Variants in NEGR1 observed in about 807,000 individuals in gnomAD.
NEGR1 encodes the protein IgLON family member 4.
In NEGR1, 10 loss-of-function variants were observed where a neutral mutation model predicts 40.9. The observed-to-expected ratio is 0.24, with a 90% CI of 0.15 to 0.42. The LOEUF (loss-of-function observed/expected upper bound fraction) is 0.42, where lower values mean the gene tolerates loss of function less well. Ranked by LOEUF, NEGR1 falls within the 10% of genes least tolerant of loss-of-function variation. NEGR1 has a pLI of 1.00. For synonymous variants in NEGR1, 185 were observed against 166.8 expected (o/e 1.11, Z -0.84); for missense variants, 352 against 438.9 (o/e 0.80, Z 1.77).
intron 3 of NEGR1, among the ~76,000 whole-genome samples, chr1:71,747,339 G>T (rs1254263630): frequency 6.6e-6 from 1 of 151,840 alleles, no homozygotes; most frequent in Non-Finnish European, 1.5e-5. Context: ...TACAGCACAG[G>T]ATCAATATTA....
chr1:71,834,874 A>G (rs2101795351), intron 2 of NEGR1, among the ~76,000 whole-genome samples: 1 of 78,428 alleles, frequency 1.3e-5, no homozygotes, highest in Admixed American at 1.1e-4. Context: ...CGTCGTTTTA[A>G]GATTTTAGGA....
intron 5 of NEGR1, 62 bp from the exon 6 acceptor site, chr1:71,593,030 C>A: frequency 7.8e-7 from 1 of 1,289,828 alleles, no homozygotes. Flanking sequence ...ATTTTTTTAT[C>A]TTAGCTGGGG....
chr1:71,448,658 A>G (rs1646601488), intron 6 of NEGR1, among the ~76,000 whole-genome samples: 1 of 152,162 alleles, frequency 6.6e-6, no homozygotes, highest in African/African-American at 2.4e-5. Context: ...TTTTAGAGGC[A>G]GAAAGCTCTG....
rs1248852117 is a variant in NEGR1 at position 71,698,061 on chromosome 1, G to A, written c.614C>T (p.Ala205Val). 5.6e-6 allele frequency: 9 copies of A among 1,610,808 alleles called. No individual in the cohort carries two copies. Among genetic ancestry groups the A allele is most frequent in the Admixed American group, 3.3e-5 (2 of 59,716 alleles). ...ATCTGGGAATGACACATCATTTTCC[G>A]CACTGCATTCATATTCCCCAGCCTG... ...RDQAGEYECS[A>V]ENDVSFPDVR... Residue 205 changes from alanine (A) to valine (V), a missense_variant, in exon 4 of 7, where the codon GCG (alanine) becomes GTG (valine). Coordinates refer to ENST00000357731, the MANE Select transcript of NEGR1 (RefSeq NM_173808.3).
chr1:71,563,424 T>C (rs1279687275), intron 6 of NEGR1, among the ~76,000 whole-genome samples: 2 of 151,984 alleles, frequency 1.3e-5, no homozygotes, highest in Non-Finnish European at 2.9e-5. Flanking sequence ...TTTTGCAGAA[T>C]AATGTCATAA....
chr1:71,849,406 T>C (rs141418194), intron 2 of NEGR1, among the ~76,000 whole-genome samples: 13 of 152,302 alleles, frequency 8.5e-5, no homozygotes, highest in Non-Finnish European at 1.6e-4. Context: ...ATTGAATTGC[T>C]GTAATCTCAT....
chr1:72,132,970 A>G (rs1269618493), intron 1 of NEGR1, among the ~76,000 whole-genome samples: 1 of 152,164 alleles, frequency 6.6e-6, no homozygotes, highest in Non-Finnish European at 1.5e-5. Flanking sequence ...TAGGCTAGCT[A>G]ATTTCTCTTT....
In NEGR1 at chr1:71,402,233, G is replaced by C. The variant is rs1169277549; in HGVS notation, c.*5213C>G. On this transcript the variant is annotated 3_prime_UTR_variant, in exon 7 of 7. Coordinates refer to ENST00000357731, the MANE Select transcript of NEGR1 (RefSeq NM_173808.3). ...TTTTCACCATCAATACATGACAATA[G>C]TAATATTTTCTCCTTTAAGTATTTG... The C allele has an allele frequency of 2.0e-5, 3 of 152,112 alleles. No homozygotes were observed. The highest frequency in any genetic ancestry group is 4.4e-5 in the Non-Finnish European group (3 of 68,014). 9.4% of individuals were successfully genotyped at this position (152,112 alleles called of 1,614,324 possible). A position where few individuals can be genotyped will look rare whatever the true frequency, so the allele number is the denominator to read the frequency against.
chr1:71,549,494 C>A (rs1428362434), intron 6 of NEGR1, among the ~76,000 whole-genome samples: 1 of 151,680 alleles, frequency 6.6e-6, no homozygotes, highest in Non-Finnish European at 1.5e-5. Context: ...CCAAGTGCCT[C>A]TGGAAGGAGA....
intron 4 of NEGR1, among the ~76,000 whole-genome samples, chr1:71,651,905 G>A (rs1223810229): frequency 6.6e-6 from 1 of 152,062 alleles, no homozygotes; most frequent in Non-Finnish European, 1.5e-5. Context: ...TGAAATTTAT[G>A]TTACCCAACA....
At chr1:71,938,193 G>A (rs72680810) in intron 1 of NEGR1, among the ~76,000 whole-genome samples, 16,804 of 151,896 alleles carry the variant, frequency 0.11, 1,038 homozygotes, top group Middle Eastern at 0.21. Flanking sequence ...ATTCTCAAAT[G>A]TTCTACATTA....
intron 1 of NEGR1, among the ~76,000 whole-genome samples, chr1:72,137,952 T>C (rs1052905771): frequency 1.3e-5 from 2 of 152,078 alleles, no homozygotes; most frequent in African/African-American, 4.8e-5. Flanking sequence ...TCTATAACCA[T>C]TTAAAATATA....
At chr1:72,198,187 A>G (rs1454348342) in intron 1 of NEGR1, among the ~76,000 whole-genome samples, 1 of 152,000 alleles carries the variant, frequency 6.6e-6, no homozygotes, top group African/African-American at 2.4e-5. Context: ...AGCCTCCTTG[A>G]TAGCTAGGAG....
chr1:72,260,090 G>A (rs1223006867), intron 1 of NEGR1, among the ~76,000 whole-genome samples: 1 of 152,040 alleles, frequency 6.6e-6, no homozygotes, highest in Non-Finnish European at 1.5e-5. Flanking sequence ...GCTCCTTAGA[G>A]TAACCCTAAG....
At chr1:71,675,392 AAGAG>A (rs1652592976) in intron 4 of NEGR1, among the ~76,000 whole-genome samples, 1 of 151,320 alleles carries the variant, frequency 6.6e-6, no homozygotes, top group Non-Finnish European at 1.5e-5. Context: ...GATCAGCAAG[AAGAG>A]AGAGAAAGGT....
chr1:72,022,103 C>G (rs1646763484), intron 1 of NEGR1, among the ~76,000 whole-genome samples: 1 of 151,668 alleles, frequency 6.6e-6, no homozygotes, highest in Non-Finnish European at 1.5e-5. Flanking sequence ...CCACTGCACT[C>G]CAGCCTGGGT....
intron 3 of NEGR1, among the ~76,000 whole-genome samples, chr1:71,717,474 C>G (rs1237323140): frequency 2.0e-5 from 3 of 152,170 alleles, no homozygotes; most frequent in Non-Finnish European, 4.4e-5. Context: ...CTATATAGAT[C>G]TGTACAGCTA....
rs143038946 is a variant in NEGR1 at position 71,783,703 on chromosome 1, T to A, written c.410-7406A>T. 8.9e-3 allele frequency among the ~76,000 whole-genome samples: 1,349 copies of A among 152,314 alleles called. 13 individuals carry two copies. Among genetic ancestry groups the A allele is most frequent in the Middle Eastern group, 0.017 (5 of 294 alleles). The stretch of plus-strand genomic sequence containing the variant: ...GAACTTCAGTTCAAACTTTGAATTA[T>A]GTTGCTTACTTTACTGTTTTCTCTC... On this transcript the variant is annotated intron_variant, in intron 2 of 6. Transcript: ENST00000357731.
intron 1 of NEGR1, among the ~76,000 whole-genome samples, chr1:72,154,236 G>A (rs1326159650): frequency 6.6e-6 from 1 of 151,790 alleles, no homozygotes; most frequent in Non-Finnish European, 1.5e-5. Context: ...AACATTTTAA[G>A]GGATGAGGTG....
Sources: gnomAD v4.1 joint callset for allele counts (sites outside exome capture counted in the v4.1 genomes callset) on GRCh38, gnomAD v4.1.1 for gene constraint, MANE v1.5 for transcripts, NCBI Gene and HGNC (gene_info 2026-07-23, HGNC 2026-07-21) for gene names.